Variants in LHFPL6 observed in about 807,000 individuals in gnomAD.
LHFPL6 encodes LHFPL tetraspan subfamily member 6.
Under a neutral mutation model 20.6 loss-of-function variants are expected in LHFPL6, and 9 were observed. That is an observed-to-expected ratio of 0.44 (90% CI 0.26 to 0.76). The LOEUF (loss-of-function observed/expected upper bound fraction) is 0.76, where lower values mean the gene tolerates loss of function less well. Ranked by LOEUF, LHFPL6 falls within the 30% of genes least tolerant of loss-of-function variation. The probability of loss-of-function intolerance (pLI) is 0.20; values close to 1 mark genes in which losing one functional copy is unlikely to be tolerated. For missense variants in LHFPL6, 218 were observed against 253.5 expected, an observed-to-expected ratio of 0.86 and a Z score of 0.95; for synonymous variants, 105 against 98.7, an observed-to-expected ratio of 1.06 and a Z score of -0.38.
intron 3 of LHFPL6, among the ~76,000 whole-genome samples, chr13:39,346,245 A>G (rs936794887): frequency 1.3e-5 from 2 of 152,146 alleles, no homozygotes; most frequent in South Asian, 4.2e-4. Flanking sequence ...AATTTGATCA[A>G]GAGCCTCCAC....
chr13:39,426,006 AAT>A (rs1398635288), intron 2 of LHFPL6, among the ~76,000 whole-genome samples: 2 of 152,040 alleles, frequency 1.3e-5, no homozygotes, highest in African/African-American at 4.8e-5. Context: ...GGTGGTAAAA[AAT>A]ATATATCATA....
intron 2 of LHFPL6, among the ~76,000 whole-genome samples, chr13:39,582,493 G>A (rs1872319047): frequency 6.6e-6 from 1 of 152,118 alleles, no homozygotes; most frequent in African/African-American, 2.4e-5. Flanking sequence ...ATGATCATGT[G>A]GCTACCACAG....
chr13:39,526,233 G>A (rs7338567), intron 2 of LHFPL6, among the ~76,000 whole-genome samples: 69,804 of 151,898 alleles, frequency 0.46, 16,259 homozygotes, highest in Middle Eastern at 0.61. Context: ...TAGCATACAG[G>A]GTACTCAATA....
chr13:39,578,913 G>A (rs991364321), intron 2 of LHFPL6, among the ~76,000 whole-genome samples: 17 of 152,178 alleles, frequency 1.1e-4, no homozygotes, highest in Non-Finnish European at 2.4e-4. Context: ...AAATAGGTTT[G>A]GGGTCTGTGA....
intron 2 of LHFPL6, among the ~76,000 whole-genome samples, chr13:39,529,063 C>A (rs1312007832): frequency 5.3e-5 from 8 of 152,022 alleles, no homozygotes; most frequent in Non-Finnish European, 1.0e-4. Context: ...AAATAATGTA[C>A]AAAATTCATG....
intron 2 of LHFPL6, among the ~76,000 whole-genome samples, chr13:39,464,659 T>C (rs1391722042): frequency 6.6e-6 from 1 of 151,558 alleles, no homozygotes; most frequent in Non-Finnish European, 1.5e-5. Flanking sequence ...TTTGAAAGAC[T>C]CAATGTAGAT....
At chr13:39,412,514 T>C (rs1379390913) in intron 2 of LHFPL6, among the ~76,000 whole-genome samples, 1 of 152,246 alleles carries the variant, frequency 6.6e-6, no homozygotes, top group Non-Finnish European at 1.5e-5. Flanking sequence ...TTTTGGGAAC[T>C]GTCCTCAGAG....
chr13:39,514,674 TCC>T (rs1869841813), intron 2 of LHFPL6, among the ~76,000 whole-genome samples: 1 of 152,072 alleles, frequency 6.6e-6, no homozygotes. Flanking sequence ...CAAGGTTACA[TCC>T]CCAACCTGAG....
intron 2 of LHFPL6, among the ~76,000 whole-genome samples, chr13:39,513,620 T>C (rs895814789): frequency 6.6e-6 from 1 of 152,242 alleles, no homozygotes; most frequent in African/African-American, 2.4e-5. Context: ...ACCTACTATA[T>C]TCCAGTTACT....
At chr13:39,476,505 T>C (rs958971319) in intron 2 of LHFPL6, among the ~76,000 whole-genome samples, 18 of 152,218 alleles carry the variant, frequency 1.2e-4, no homozygotes, top group Non-Finnish European at 4.4e-5. Context: ...CATAAATTCT[T>C]TTAGTAAAGA....
chr13:39,504,275 G>A (rs1869395771), intron 2 of LHFPL6, among the ~76,000 whole-genome samples: 1 of 152,198 alleles, frequency 6.6e-6, no homozygotes, highest in African/African-American at 2.4e-5. Flanking sequence ...AAATCCAGAT[G>A]AATAAGATTA....
At chr13:39,372,361 T>C (rs1459873940) in intron 3 of LHFPL6, among the ~76,000 whole-genome samples, 1 of 137,170 alleles carries the variant, frequency 7.3e-6, no homozygotes, top group Non-Finnish European at 1.6e-5. Flanking sequence ...AAAAATACTT[T>C]TCTATACAAC....
At chr13:39,372,787 A>G (rs1202664797) in intron 3 of LHFPL6, among the ~76,000 whole-genome samples, 1 of 152,226 alleles carries the variant, frequency 6.6e-6, no homozygotes, top group Non-Finnish European at 1.5e-5. Context: ...TGAGGTTTTT[A>G]TGAAATCCTT....
chr13:39,532,743 T>G (rs1324970529), intron 2 of LHFPL6, among the ~76,000 whole-genome samples: 1 of 152,146 alleles, frequency 6.6e-6, no homozygotes, highest in South Asian at 2.1e-4. Flanking sequence ...CAACTTATGT[T>G]TAGAAGAACA....
rs143632045 is a variant in LHFPL6, at chr13:39,344,932, T to A, written c.485-878A>T. ...CCAAGAATAGGTCGGTGTCCCCAGA[T>A]GGGTTAATGGAATGGATTTCTGCAT... On this transcript the variant is annotated intron_variant, in intron 3 of 3. Coordinates refer to ENST00000379589, the MANE Select transcript of LHFPL6 (RefSeq NM_005780.3). Among the ~76,000 whole-genome samples the A allele has an allele frequency of 5.8e-4, 88 of 152,342 alleles. 1 individual carries two copies. In the East Asian group the frequency reaches 0.017, roughly 29 times the overall value.
At chr13:39,426,043 A>G (rs73458848) in intron 2 of LHFPL6, among the ~76,000 whole-genome samples, 4,286 of 152,190 alleles carry the variant, frequency 0.028, 175 homozygotes, top group African/African-American at 0.09. Context: ...CACTATTTTT[A>G]TGTGTACAAG....
At chr13:39,402,141 GAAC>G (rs1198522559) in intron 2 of LHFPL6, among the ~76,000 whole-genome samples, 14 of 152,132 alleles carry the variant, frequency 9.2e-5, no homozygotes, top group Non-Finnish European at 1.9e-4. Context: ...TTACAGGTTA[GAAC>G]AACAATATTT....
intron 2 of LHFPL6, among the ~76,000 whole-genome samples, chr13:39,483,632 C>A (rs1868615604): frequency 6.6e-6 from 1 of 152,034 alleles, no homozygotes; most frequent in African/African-American, 2.4e-5. Flanking sequence ...AATACTAAGG[C>A]AGTTTTCTTC....
intron 2 of LHFPL6, among the ~76,000 whole-genome samples, chr13:39,519,342 C>T (rs7992290): frequency 0.79 from 119,834 of 152,022 alleles, 47,379 homozygotes; most frequent in African/African-American, 0.84. Flanking sequence ...GTAAATCCAC[C>T]TATTTGACTT....
Sources: allele counts gnomAD v4.1 joint callset (sites outside exome capture counted in the v4.1 genomes callset), GRCh38; gene constraint gnomAD v4.1.1; transcripts MANE v1.5; gene names NCBI Gene and HGNC (gene_info 2026-07-23, HGNC 2026-07-21).